ENO1: variants seen among roughly 807,000 people sequenced by gnomAD.
ENO1 encodes the protein alpha-enolase.
Under a neutral mutation model 46.3 loss-of-function variants are expected in ENO1, and 33 were observed. The observed-to-expected ratio is 0.71, with a 90% CI of 0.54 to 0.95. The LOEUF (loss-of-function observed/expected upper bound fraction) is 0.95, where lower values mean the gene tolerates loss of function less well. Ranked by LOEUF, ENO1 falls within the 40% of genes least tolerant of loss-of-function variation. The pLI, the probability that ENO1 is intolerant of heterozygous loss-of-function variation, is 0.00. For synonymous variants in ENO1, 220 were observed against 216.0 expected, an observed-to-expected ratio of 1.02 and a Z score of -0.16; for missense variants, 488 against 553.3, an observed-to-expected ratio of 0.88 and a Z score of 1.18.
At chr1:8,874,673 T>C (rs1642700966) in intron 2 of ENO1, 151 bp downstream of exon 2, 3 of 411,580 alleles carry the variant, frequency 7.3e-6, no homozygotes, top group Middle Eastern at 8.3e-4. Flanking sequence ...TCCCCAACCC[T>C]CACAGTCAGG....
At chr1:8,862,517 A>T (rs1469724837) in intron 11 of ENO1, among the ~76,000 whole-genome samples, 1 of 152,338 alleles carries the variant, frequency 6.6e-6, no homozygotes, top group East Asian at 1.9e-4. Context: ...CCTCCCTCCC[A>T]GCCCTGGCTC....
chr1:8,867,089 G>C, intron 6 of ENO1, 28 bp downstream of exon 6: 1 of 1,606,228 alleles, frequency 6.2e-7, no homozygotes, highest in South Asian at 1.1e-5. Flanking sequence ...CCAACTCCTT[G>C]CTTGGGAAGT....
chr1:8,862,857 A>G, intron 11 of ENO1, 30 bp downstream of exon 11: 4 of 1,611,532 alleles, frequency 2.5e-6, no homozygotes, highest in Non-Finnish European at 3.4e-6. Flanking sequence ...AGTGAACCAC[A>G]GGCCCCTTGT....
chr1:8,875,973 G>A (rs1394393389), intron 1 of ENO1: 1 of 152,102 alleles, frequency 6.6e-6, no homozygotes, highest in Middle Eastern at 3.4e-3. Context: ...TTTGTAAATA[G>A]AGGAAAGATT....
rs1642602115 is a variant in ENO1, at chr1:8,870,261, C to T, written c.240+191G>A. 4 of 634,460 alleles carry T rather than the reference C, an allele frequency of 6.3e-6. No homozygotes were observed. The South Asian group carries it at 6.4e-5, about 10-fold the overall frequency. The allele number at this position is 634,460 out of a possible 1,614,324, so 39.3% of individuals were successfully genotyped here. On this transcript the variant is annotated intron_variant, in intron 4 of 11. Coordinates refer to ENST00000234590, the MANE Select transcript of ENO1 (RefSeq NM_001428.5). ...CATTCTTCTGATGCAATTCCATCTGCTCCCAAAAGTGGGGTGAGGCAGCGG... is the reference window on the plus strand; with the variant it reads ...CATTCTTCTGATGCAATTCCATCTGTTCCCAAAAGTGGGGTGAGGCAGCGG...
intron 10 of ENO1, 81 bp from the exon 11 acceptor site, chr1:8,863,026 G>C: frequency 6.4e-7 from 1 of 1,552,036 alleles, no homozygotes; most frequent in Non-Finnish European, 8.8e-7. Context: ...TGGTGTCAGA[G>C]AGAGAATTTC....
rs1642515821 is a variant in ENO1, at chr1:8,866,370, C to T, written c.576G>A (p.Leu192=). The T allele has an allele frequency of 1.9e-6, 3 of 1,614,108 alleles. No individual in the cohort carries two copies. The Admixed American group carries it at 5.0e-5, about 27-fold the overall frequency. ...MRIGAEVYHN[L]KNVIKEKYGK... ...CATATTTCTCCTTGATGACATTCTT[C>T]AGGTTGTGGTAAACCTCTGCTCCAA... The change falls in exon 7 of 12, where the codon CTG becomes CTA. Residue 192 remains leucine, a synonymous_variant. Coordinates refer to ENST00000234590, the MANE Select transcript of ENO1 (RefSeq NM_001428.5).
intron 1 of ENO1, among the ~76,000 whole-genome samples, chr1:8,877,019 G>A (rs1642748802): frequency 6.7e-6 from 1 of 149,280 alleles, no homozygotes; most frequent in South Asian, 2.1e-4. Context: ...AGACGGAGTC[G>A]CGCTCTTTCG....
Position 8,871,963 on chromosome 1 carries a change from T to C in ENO1, c.109A>G (p.Ser37Gly). 6.2e-7 allele frequency: 1 copy of C among 1,614,112 alleles called. No individual in the cohort carries two copies. Among genetic ancestry groups the C allele is most frequent in the South Asian group, 1.1e-5 (1 of 91,076 alleles). ...SKGLFRAAVP[S>G]GASTGIYEAL... The stretch of plus-strand genomic sequence containing the variant: ...TCATAGATACCAGTTGAAGCACCAC[T>C]GGGCACAGCAGCTCTGAAGAGACCT... The change falls in exon 3 of 12, where the codon AGT becomes GGT. Residue 37 changes from serine to glycine, a missense_variant. Transcript: ENST00000234590.
At position 8,866,265 on chromosome 1, in the gene ENO1, C is replaced by T. The variant is rs1448780114; in HGVS notation, c.667+14G>A. The T allele has an allele frequency of 2.5e-6, 4 of 1,613,390 alleles. No homozygotes were observed. Among genetic ancestry groups the T allele is most frequent in the Non-Finnish European group, 3.4e-6 (4 of 1,179,908 alleles). ...GCAGGGCTGGGTGGGGGGGCGGTTCCCTAGCGCCTTTACCTTCTTTATTCT... is the reference window on the plus strand; with the variant it reads ...GCAGGGCTGGGTGGGGGGGCGGTTCTCTAGCGCCTTTACCTTCTTTATTCT... On this transcript the variant is annotated intron_variant, in intron 7 of 11. Coordinates refer to ENST00000234590, the MANE Select transcript of ENO1 (RefSeq NM_001428.5).
At chr1:8,866,076 C>CAAAAAA in intron 7 of ENO1, 2 of 364,258 alleles carry the variant, frequency 5.5e-6, no homozygotes, top group South Asian at 3.7e-5. Context: ...GACTCCATCT[C>CAAAAAA]AAAAAAAAAA....
intron 2 of ENO1, 50 bp from the exon 3 acceptor site, chr1:8,872,036 G>A: frequency 1.3e-6 from 2 of 1,526,484 alleles, no homozygotes; most frequent in African/African-American, 1.4e-5. Flanking sequence ...TCCAGTTCCA[G>A]CACAATCCCA....
In ENO1 at chr1:8,863,308, A is replaced by G; in HGVS notation, c.1103T>C (p.Met368Thr). The G allele has an allele frequency of 6.2e-7, 1 of 1,614,152 alleles. No homozygotes were observed. The highest frequency in any genetic ancestry group is 8.5e-7 in the Non-Finnish European group (1 of 1,180,014). The stretch of plus-strand genomic sequence containing the variant: ...AGTCTCCCCCGAACGATGAGACACC[A>G]TGACGCCCCAACCATTGGCCTGGGC... ...KLAQANGWGV[M>T]VSHRSGETED... Residue 368 changes from methionine (M) to threonine (T), a missense_variant, in exon 10 of 12, where the codon ATG becomes ACG. By Grantham distance (81) the Met-to-Thr change is moderately conservative. Transcript: ENST00000234590.
intron 3 of ENO1, 73 bp from the exon 4 acceptor site, chr1:8,870,583 C>G: frequency 2.1e-5 from 34 of 1,604,232 alleles, no homozygotes; most frequent in Non-Finnish European, 2.8e-5. Flanking sequence ...TTAGAGAGAA[C>G]CACTGTTGAG....
intron 9 of ENO1, among the ~76,000 whole-genome samples, chr1:8,863,593 A>C (rs1642448885): frequency 6.6e-6 from 1 of 152,158 alleles, no homozygotes; most frequent in African/African-American, 2.4e-5. Flanking sequence ...TGATGGGAGA[A>C]AGATTAGTGT....
At chr1:8,876,790 C>G (rs1344517716) in intron 1 of ENO1, among the ~76,000 whole-genome samples, 1 of 149,406 alleles carries the variant, frequency 6.7e-6, no homozygotes, top group Non-Finnish European at 1.5e-5. Context: ...AGAGAGACTC[C>G]GTCTCAGAAA....
At chr1:8,863,124 C>A in intron 10 of ENO1, 111 bp downstream of exon 10, 1 of 1,389,826 alleles carries the variant, frequency 7.2e-7, no homozygotes, top group Non-Finnish European at 9.9e-7. Context: ...GAAACAAGAG[C>A]ACTGACTCAG....
chr1:8,865,015 GCA>G (rs1381725330), intron 8 of ENO1, among the ~76,000 whole-genome samples: 2 of 152,200 alleles, frequency 1.3e-5, no homozygotes, highest in African/African-American at 4.8e-5. Flanking sequence ...GTCTAATGGA[GCA>G]CAGACTGCCT....
rs1382333861 is a variant in ENO1, at chr1:8,871,046, T to C, written c.182-536A>G. Reference sequence around the variant, plus strand: ...CAAATGCTTACTTACTGAGCACTCATTACCATCAAGGCACAGCATCATCCT... The same window carrying C: ...CAAATGCTTACTTACTGAGCACTCACTACCATCAAGGCACAGCATCATCCT... On this transcript the variant is annotated intron_variant, in intron 3 of 11. Coordinates refer to ENST00000234590, the MANE Select transcript of ENO1 (RefSeq NM_001428.5). The C allele has an allele frequency of 6.5e-6, 8 of 1,234,854 alleles. No individual in the cohort carries two copies. In the African/African-American group the frequency reaches 9.3e-5, roughly 14 times the overall value. The allele number at this position is 1,234,854 out of a possible 1,614,324, so 76.5% of individuals were successfully genotyped here.
Sources: gnomAD v4.1 joint callset for allele counts (sites outside exome capture counted in the v4.1 genomes callset) on GRCh38, gnomAD v4.1.1 for gene constraint, MANE v1.5 for transcripts, NCBI Gene and HGNC (gene_info 2026-07-23, HGNC 2026-07-21) for gene names.